The following ANAPC4 variants were observed in gnomAD, a reference collection of about 807,000 sequenced individuals.
The protein encoded by ANAPC4 is anaphase promoting complex subunit 4, also known as anaphase-promoting complex subunit 4.
In ANAPC4, 63 loss-of-function variants were observed where a neutral mutation model predicts 119.8. That is an observed-to-expected ratio of 0.53 (90% CI 0.43 to 0.65). The LOEUF (loss-of-function observed/expected upper bound fraction) is 0.65. Among genes scored for constraint, ANAPC4 ranks in the 30% least tolerant of loss-of-function variants. ANAPC4 has a pLI of 0.00. For missense variants in ANAPC4, 716 were observed against 945.1 expected, an observed-to-expected ratio of 0.76 and a Z score of 3.18; for synonymous variants, 283 against 318.6, an observed-to-expected ratio of 0.89 and a Z score of 1.19.
intron 21 of ANAPC4, among the ~76,000 whole-genome samples, chr4:25,410,730 A>G (rs1408338454): frequency 6.6e-6 from 1 of 152,234 alleles, no homozygotes; most frequent in Non-Finnish European, 1.5e-5. Flanking sequence ...GGAAAATTCC[A>G]TACCTGACCT....
At chr4:25,389,719 G>T (rs1162014448) in intron 7 of ANAPC4, among the ~76,000 whole-genome samples, 1 of 152,122 alleles carries the variant, frequency 6.6e-6, no homozygotes, top group African/African-American at 2.4e-5. Flanking sequence ...ATTTTAATAA[G>T]TTAAAGGATA....
chr4:25,378,469 G>A (rs1429113544), intron 2 of ANAPC4, among the ~76,000 whole-genome samples: 4 of 152,290 alleles, frequency 2.6e-5, no homozygotes, highest in Admixed American at 1.3e-4. Context: ...GTCTCCCTCC[G>A]CTGCCGGGAT....
rs773906203 is a variant in ANAPC4, at chr4:25,406,786, T to A, written c.1318-43T>A. On this transcript the variant is annotated intron_variant, in intron 18 of 28. Coordinates refer to ENST00000315368, the MANE Select transcript of ANAPC4 (RefSeq NM_013367.3). The stretch of plus-strand genomic sequence containing the variant: ...TGTACCATTTCTTTTATTGAGCAGC[T>A]TTCTTTTATCTTGATTTTTCTTTTT... 5 of 1,433,092 alleles carry A rather than the reference T, an allele frequency of 3.5e-6. No homozygotes were observed. In the East Asian group the frequency reaches 1.1e-4, roughly 33 times the overall value. 88.8% of individuals were successfully genotyped at this position (1,433,092 alleles called of 1,614,324 possible). A position where few individuals can be genotyped will look rare whatever the true frequency, so the allele number is the denominator to read the frequency against.
At chr4:25,377,764 A>G (rs955932980) in intron 2 of ANAPC4, among the ~76,000 whole-genome samples, 1 of 152,184 alleles carries the variant, frequency 6.6e-6, no homozygotes, top group Non-Finnish European at 1.5e-5. Context: ...TGTCTGTGCT[A>G]TTTTCGGTAC....
At chr4:25,381,745 C>G (rs183479420) in intron 3 of ANAPC4, among the ~76,000 whole-genome samples, 1 of 152,000 alleles carries the variant, frequency 6.6e-6, no homozygotes, top group African/African-American at 2.4e-5. Flanking sequence ...GTCAGGAGTT[C>G]AAGACCAGCC....
intron 7 of ANAPC4, among the ~76,000 whole-genome samples, chr4:25,389,448 C>T (rs1015293970): frequency 3.3e-5 from 5 of 151,850 alleles, no homozygotes; most frequent in East Asian, 1.9e-4. Flanking sequence ...TGAGCCACCG[C>T]GCCTGGCCTA....
chr4:25,378,563 C>T (rs1050560414), intron 2 of ANAPC4, among the ~76,000 whole-genome samples: 2 of 152,276 alleles, frequency 1.3e-5, no homozygotes, highest in East Asian at 1.9e-4. Flanking sequence ...GAGGCACATC[C>T]GTGCAATCAG....
At chr4:25,416,315 G>T (rs1723868344) in intron 26 of ANAPC4, 110 bp from the exon 27 acceptor site, 1 of 571,360 alleles carries the variant, frequency 1.8e-6, no homozygotes. Context: ...TGTACAGAAT[G>T]TCACTTAACT....
At chr4:25,390,518 A>C (rs756891909) in intron 8 of ANAPC4, among the ~76,000 whole-genome samples, 8 of 152,184 alleles carry the variant, frequency 5.3e-5, no homozygotes, top group Non-Finnish European at 1.0e-4. Context: ...AAGAGCTTCA[A>C]TTTGTGATTG....
At chr4:25,414,117 A>G (rs1723727990) in intron 22 of ANAPC4, 2 of 489,470 alleles carry the variant, frequency 4.1e-6, no homozygotes, top group South Asian at 3.6e-5. Flanking sequence ...TAAACCTGCC[A>G]TGTGCTTAGC....
At chr4:25,414,138 T>C in intron 22 of ANAPC4, 186 bp from the exon 23 acceptor site, 1 of 515,122 alleles carries the variant, frequency 1.9e-6, no homozygotes, top group South Asian at 3.3e-5. Flanking sequence ...ACCAAGGTCC[T>C]TTTCAGCTCA....
intron 2 of ANAPC4, among the ~76,000 whole-genome samples, chr4:25,379,522 G>A (rs1299613048): frequency 1.3e-5 from 2 of 152,194 alleles, no homozygotes; most frequent in Non-Finnish European, 2.9e-5. Flanking sequence ...GGGGCTGTGG[G>A]ATACAAAATG....
intron 3 of ANAPC4, among the ~76,000 whole-genome samples, chr4:25,382,145 G>A (rs1721772334): frequency 6.6e-6 from 1 of 151,714 alleles, no homozygotes; most frequent in South Asian, 2.1e-4. Context: ...TTTTTCCCAT[G>A]TCAGTGTGGA....
intron 22 of ANAPC4, chr4:25,414,066 T>C: frequency 2.2e-6 from 1 of 462,894 alleles, no homozygotes; most frequent in Non-Finnish European, 3.8e-6. Flanking sequence ...TACTGAAGGA[T>C]GTGAATGAAT....
At chr4:25,383,812 A>T (rs552007153) in intron 4 of ANAPC4, among the ~76,000 whole-genome samples, 1 of 152,380 alleles carries the variant, frequency 6.6e-6, no homozygotes, top group East Asian at 1.9e-4. Flanking sequence ...CTGAGCTTTT[A>T]GTGAGTTGTG....
At chr4:25,385,026 T>TA (rs1205183427) in intron 4 of ANAPC4, among the ~76,000 whole-genome samples, 2 of 152,220 alleles carry the variant, frequency 1.3e-5, no homozygotes, top group Non-Finnish European at 2.9e-5. Flanking sequence ...TGTAAACAGA[T>TA]ATGCTGTCAT....
chr4:25,393,715 T>C (rs1722485092), intron 10 of ANAPC4, 90 bp from the exon 11 acceptor site: 2 of 654,280 alleles, frequency 3.1e-6, no homozygotes, highest in Non-Finnish European at 5.0e-6. Context: ...CTAGATTTCT[T>C]TGAGACACTT....
chr4:25,409,872 G>T, intron 21 of ANAPC4, 81 bp downstream of exon 21: 1 of 981,970 alleles, frequency 1.0e-6, no homozygotes, highest in Non-Finnish European at 1.6e-6. Context: ...TAACAGTTTT[G>T]CTGAAAACTT....
At chr4:25,385,280 TATAC>T (rs1721969666) in intron 4 of ANAPC4, among the ~76,000 whole-genome samples, 1 of 152,238 alleles carries the variant, frequency 6.6e-6, no homozygotes, top group African/African-American at 2.4e-5. Flanking sequence ...CATACATACG[TATAC>T]ATATATATAT....
Sources: allele counts gnomAD v4.1 joint callset (sites outside exome capture counted in the v4.1 genomes callset), GRCh38; gene constraint gnomAD v4.1.1; transcripts MANE v1.5; gene names NCBI Gene and HGNC (gene_info 2026-07-23, HGNC 2026-07-21).